The following OXR1 variants were observed in gnomAD, a reference collection of about 807,000 sequenced individuals.
OXR1 encodes oxidation resistance 1.
In OXR1, 41 loss-of-function variants were observed where a neutral mutation model predicts 104.6. That is an observed-to-expected ratio of 0.39 (90% confidence interval 0.31 to 0.51). OXR1 has a LOEUF of 0.51. Ranked by LOEUF, OXR1 falls within the 20% of genes least tolerant of loss-of-function variation. The pLI, the probability that OXR1 is intolerant of heterozygous loss-of-function variation, is 0.77. For synonymous variants in OXR1, 348 were observed against 348.4 expected (o/e 1.00, Z 0.01); for missense variants, 955 against 1,031.9 (o/e 0.93, Z 1.02).
chr8:106,717,575 A>G (rs1222661417), intron 11 of OXR1, among the ~76,000 whole-genome samples: 1 of 152,210 alleles, frequency 6.6e-6, no homozygotes, highest in Non-Finnish European at 1.5e-5. Flanking sequence ...AAGTTTGTAT[A>G]TGATAAATTT....
intron 3 of OXR1, among the ~76,000 whole-genome samples, chr8:106,633,380 G>A (rs974489402): frequency 1.3e-5 from 2 of 152,104 alleles, no homozygotes; most frequent in African/African-American, 4.8e-5. Context: ...CTCTTCAAAA[G>A]TTATTGATTT....
chr8:106,740,144 AAT>A, intron 13 of OXR1, 197 bp from the exon 14 acceptor site: 1 of 469,336 alleles, frequency 2.1e-6, no homozygotes, highest in Non-Finnish European at 3.7e-6. Flanking sequence ...TTATTTTCCT[AAT>A]AGACAATTAA....
At chr8:106,319,027 A>G (rs1264633132) in intron 1 of OXR1, among the ~76,000 whole-genome samples, 1 of 152,238 alleles carries the variant, frequency 6.6e-6, no homozygotes, top group African/African-American at 2.4e-5. Flanking sequence ...GTGTATTCCA[A>G]AGGTAATTTA....
intron 3 of OXR1, among the ~76,000 whole-genome samples, chr8:106,638,299 G>A (rs1042642627): frequency 2.6e-5 from 4 of 151,728 alleles, no homozygotes; most frequent in Admixed American, 6.6e-5. Context: ...TTGATAAATC[G>A]TCACCTTCAC....
chr8:106,468,674 G>A (rs1821319874), intron 2 of OXR1, among the ~76,000 whole-genome samples: 1 of 151,766 alleles, frequency 6.6e-6, no homozygotes, highest in Non-Finnish European at 1.5e-5. Context: ...AAATTATGAT[G>A]TGATATATTT....
At chr8:106,583,362 G>A (rs1163635127) in intron 3 of OXR1, among the ~76,000 whole-genome samples, 1 of 152,038 alleles carries the variant, frequency 6.6e-6, no homozygotes, top group Admixed American at 6.6e-5. Flanking sequence ...AGTGTAATAA[G>A]CCAATGCTTG....
chr8:106,413,135 G>A (rs1391330326), intron 2 of OXR1, among the ~76,000 whole-genome samples: 1 of 121,928 alleles, frequency 8.2e-6, no homozygotes, highest in African/African-American at 3.9e-5. Context: ...CTTTACTTTT[G>A]TAGAAAAAAA....
chr8:106,476,299 G>C (rs1340626708), intron 2 of OXR1, among the ~76,000 whole-genome samples: 1 of 151,902 alleles, frequency 6.6e-6, no homozygotes, highest in African/African-American at 2.4e-5. Context: ...TTAAAAAGCA[G>C]TCCCTTTCTG....
At chr8:106,612,554 G>C (rs968648551) in intron 3 of OXR1, among the ~76,000 whole-genome samples, 1 of 151,662 alleles carries the variant, frequency 6.6e-6, no homozygotes, top group Non-Finnish European at 1.5e-5. Flanking sequence ...TTTCCTTTCT[G>C]CATCTCTTAT....
chr8:106,715,398 A>ATATATAATATATATAATACG (rs1431485301), intron 11 of OXR1, among the ~76,000 whole-genome samples: 8 of 148,098 alleles, frequency 5.4e-5, no homozygotes, highest in Admixed American at 3.4e-4. Flanking sequence ...TATGTAAAAT[A>ATATATAATATATATAATACG]TATATAATAT....
chr8:106,552,987 C>A (rs572322801), intron 3 of OXR1, among the ~76,000 whole-genome samples: 129 of 152,140 alleles, frequency 8.5e-4, no homozygotes, highest in African/African-American at 2.9e-3. Flanking sequence ...CTTTTATTCC[C>A]CTCACACTGA....
At chr8:106,399,284 T>C (rs1408296497) in intron 2 of OXR1, among the ~76,000 whole-genome samples, 2 of 152,182 alleles carry the variant, frequency 1.3e-5, no homozygotes, top group Non-Finnish European at 2.9e-5. Context: ...TATAAAATAC[T>C]CTATTTTCTC....
chr8:106,598,502 C>G (rs996974612), intron 3 of OXR1, among the ~76,000 whole-genome samples: 6 of 152,154 alleles, frequency 3.9e-5, no homozygotes, highest in African/African-American at 1.4e-4. Flanking sequence ...TGCGATTGTC[C>G]TCCCTGCTTC....
chr8:106,490,044 A>G (rs1337576667), intron 2 of OXR1, among the ~76,000 whole-genome samples: 1 of 152,230 alleles, frequency 6.6e-6, no homozygotes, highest in Non-Finnish European at 1.5e-5. Flanking sequence ...TTCATTAAAT[A>G]CCACAAATCT....
At chr8:106,552,753 A>G (rs1320385642) in intron 3 of OXR1, among the ~76,000 whole-genome samples, 1 of 152,206 alleles carries the variant, frequency 6.6e-6, no homozygotes, top group African/African-American at 2.4e-5. Flanking sequence ...GACTATATTT[A>G]TCCTTAGATT....
At chr8:106,519,765 T>G (rs2130115043) in intron 3 of OXR1, among the ~76,000 whole-genome samples, 1 of 152,348 alleles carries the variant, frequency 6.6e-6, no homozygotes, top group East Asian at 1.9e-4. Context: ...AGGCATTACA[T>G]TATTTCCCCC....
At chr8:106,631,062 A>C (rs919063675) in intron 3 of OXR1, among the ~76,000 whole-genome samples, 3 of 152,206 alleles carry the variant, frequency 2.0e-5, no homozygotes, top group Non-Finnish European at 4.4e-5. Context: ...AATGAAAAGT[A>C]AGAAAGACCA....
chr8:106,595,856 G>A (rs1819490134), intron 3 of OXR1, among the ~76,000 whole-genome samples: 1 of 152,104 alleles, frequency 6.6e-6, no homozygotes, highest in Admixed American at 6.6e-5. Flanking sequence ...TTTTGGAAAT[G>A]GAATCTGTAG....
At chr8:106,394,893 G>T (rs574897550) in intron 2 of OXR1, among the ~76,000 whole-genome samples, 2 of 152,206 alleles carry the variant, frequency 1.3e-5, no homozygotes, top group South Asian at 2.1e-4. Flanking sequence ...GTGAACTTTA[G>T]ATATGCAAAT....
Sources: allele counts gnomAD v4.1 joint callset (sites outside exome capture counted in the v4.1 genomes callset), GRCh38; gene constraint gnomAD v4.1.1; transcripts MANE v1.5; gene names NCBI Gene and HGNC (gene_info 2026-07-23, HGNC 2026-07-21).